Variants in XKR9 observed in about 807,000 individuals in gnomAD.
XKR9 encodes the protein XK related 9, also known as XK-related protein 9.
A neutral mutation model predicts 32.0 loss-of-function variants in XKR9; 32 were observed. That is an observed-to-expected ratio of 1.00 (90% CI 0.76 to 1.34). The LOEUF (loss-of-function observed/expected upper bound fraction) is 1.34, where lower values mean the gene tolerates loss of function less well. Ranked by LOEUF, XKR9 falls within the 40% of genes most tolerant of loss-of-function variation. The pLI is 0.00. For synonymous variants in XKR9, 168 were observed against 143.4 expected (o/e 1.17, Z -1.22); for missense variants, 546 against 429.7 (o/e 1.27, Z -2.39).
intron 2 of XKR9, among the ~76,000 whole-genome samples, chr8:70,750,110 G>T (rs1444904732): frequency 6.6e-6 from 1 of 151,880 alleles, no homozygotes; most frequent in African/African-American, 2.4e-5. Context: ...TTTTTTTCTG[G>T]ACTATAGAGC....
chr8:70,951,872 G>GA, the XKR9 span, among the ~76,000 whole-genome samples: 1 of 97,842 alleles, frequency 1.0e-5, no homozygotes, highest in Non-Finnish European at 2.0e-5. Context: ...ATCATTGGGG[G>GA]GGGGGTGGTT....
chr8:70,922,119 C>T, the XKR9 span, among the ~76,000 whole-genome samples: 1 of 152,130 alleles, frequency 6.6e-6, no homozygotes, highest in African/African-American at 2.4e-5. Context: ...GAATTCACCT[C>T]CTCTACCCTC....
the XKR9 span, among the ~76,000 whole-genome samples, chr8:71,009,625 G>A: frequency 6.6e-6 from 1 of 152,128 alleles, no homozygotes; most frequent in Non-Finnish European, 1.5e-5. Context: ...AATAGTACTT[G>A]AATTTGAACT....
chr8:70,939,458 A>C, the XKR9 span, among the ~76,000 whole-genome samples: 2 of 152,096 alleles, frequency 1.3e-5, no homozygotes, highest in African/African-American at 4.8e-5. Flanking sequence ...AAGGGTATAC[A>C]TTCATATTTA....
chr8:71,009,969 G>A, the XKR9 span, among the ~76,000 whole-genome samples: 1 of 152,214 alleles, frequency 6.6e-6, no homozygotes, highest in Non-Finnish European at 1.5e-5. Flanking sequence ...GAATAAGGGT[G>A]TGTGGCAGAG....
At chr8:70,904,252 A>G in the XKR9 span, among the ~76,000 whole-genome samples, 2 of 152,222 alleles carry the variant, frequency 1.3e-5, no homozygotes, top group South Asian at 4.1e-4. Flanking sequence ...TGGGAGTCTA[A>G]GTCTCTCTGT....
intron 3 of XKR9, among the ~76,000 whole-genome samples, chr8:70,702,998 T>TA (rs1292883374): frequency 3.3e-5 from 5 of 152,210 alleles, no homozygotes; most frequent in African/African-American, 1.2e-4. Context: ...CTTTTTTCTC[T>TA]ATTTTTCAGG....
At chr8:70,986,219 G>A in the XKR9 span, among the ~76,000 whole-genome samples, 18 of 152,172 alleles carry the variant, frequency 1.2e-4, no homozygotes, top group Admixed American at 2.6e-4. Flanking sequence ...TTTAAACTTC[G>A]GCAAGCCACG....
At chr8:70,865,992 A>G in the XKR9 span, among the ~76,000 whole-genome samples, 1 of 152,196 alleles carries the variant, frequency 6.6e-6, no homozygotes, top group African/African-American at 2.4e-5. Flanking sequence ...CCTGCTGCTA[A>G]TTTACTCTGT....
At chr8:70,772,926 C>A (rs765926161) in intron 2 of XKR9, among the ~76,000 whole-genome samples, 1 of 151,986 alleles carries the variant, frequency 6.6e-6, no homozygotes, top group East Asian at 1.9e-4. Context: ...TGGTTTCAGT[C>A]GAAAAGTGTT....
chr8:70,841,786 C>T, the XKR9 span, among the ~76,000 whole-genome samples: 1 of 152,166 alleles, frequency 6.6e-6, no homozygotes, highest in African/African-American at 2.4e-5. Context: ...AATTAGGTGA[C>T]ACATAAGGTC....
chr8:71,024,351 C>T, the XKR9 span, among the ~76,000 whole-genome samples: 1 of 152,116 alleles, frequency 6.6e-6, no homozygotes, highest in East Asian at 1.9e-4. Context: ...ACAGTGTGGA[C>T]CAGGGTGCTG....
the XKR9 span, among the ~76,000 whole-genome samples, chr8:70,813,550 A>AG: frequency 6.6e-5 from 10 of 152,286 alleles, no homozygotes; most frequent in African/African-American, 2.4e-4. Flanking sequence ...CATCTGACAA[A>AG]GGGCTAATAT....
At position 70,756,032 on chromosome 8, in the gene XKR9, A is replaced by G. The variant is rs1160307236; in HGVS notation, n.353-33307A>G. Among the ~76,000 whole-genome samples the G allele has an allele frequency of 3.3e-5, 5 of 152,282 alleles. No homozygotes were observed. In the East Asian group the frequency reaches 9.6e-4, roughly 29 times the overall value. On this transcript the variant is annotated intron_variant and non_coding_transcript_variant, in intron 2 of 3. Transcript: ENST00000520273. ...AGATTTACATTTAGGTCTTTGATGT[A>G]TTTGGAGTTGATTTGAGTGTGAGAT... is the stretch of plus-strand genomic sequence containing the variant.
the XKR9 span, among the ~76,000 whole-genome samples, chr8:70,801,885 T>C: frequency 6.6e-6 from 1 of 152,232 alleles, no homozygotes; most frequent in Admixed American, 6.5e-5. Context: ...CAGATCTTCT[T>C]ATTGAATTGA....
At chr8:70,927,929 G>T in the XKR9 span, among the ~76,000 whole-genome samples, 1 of 152,082 alleles carries the variant, frequency 6.6e-6, no homozygotes, top group Non-Finnish European at 1.5e-5. Flanking sequence ...ATTTTCCCAG[G>T]GTCCTAGACT....
In XKR9 at chr8:70,733,898, T is replaced by C. The variant is rs371488104; in HGVS notation, c.596T>C (p.Leu199Ser). ...SLPDKKLLNGLCPKITYLFYK... is the reference protein window; with the variant it reads ...SLPDKKLLNGSCPKITYLFYK... Reference sequence around the variant, plus strand: ...CCTGACAAAAAGCTTCTTAATGGATTATGTCCCAAAATCACATATCTCTTT... The same window carrying C: ...CCTGACAAAAAGCTTCTTAATGGATCATGTCCCAAAATCACATATCTCTTT... Residue 199 changes from leucine to serine, a missense_variant, in exon 5 of 5, where the codon TTA becomes TCA. Leu to Ser is a moderately radical substitution (Grantham distance 145, BLOSUM62 -2). Coordinates refer to ENST00000408926, the MANE Select transcript of XKR9 (RefSeq NM_001011720.2). 4 of 1,612,784 alleles carry C rather than the reference T, an allele frequency of 2.5e-6. No individual in the cohort carries two copies. The highest frequency in any genetic ancestry group is 2.7e-5 in the African/African-American group (2 of 75,032).
chr8:70,721,560 C>T (rs1806282497), intron 4 of XKR9, among the ~76,000 whole-genome samples: 1 of 152,102 alleles, frequency 6.6e-6, no homozygotes, highest in South Asian at 2.1e-4. Context: ...TTGTTATTTA[C>T]CCAGTAGTCA....
chr8:70,796,436 TTCA>T, the XKR9 span, among the ~76,000 whole-genome samples: 1 of 152,186 alleles, frequency 6.6e-6, no homozygotes, highest in Admixed American at 6.5e-5. Flanking sequence ...TCCTTTTTTC[TTCA>T]TCATTTTAGT....
Sources: allele counts gnomAD v4.1 joint callset (sites outside exome capture counted in the v4.1 genomes callset), GRCh38; gene constraint gnomAD v4.1.1; transcripts MANE v1.5; gene names NCBI Gene and HGNC (gene_info 2026-07-23, HGNC 2026-07-21).